ADGRF1: variants seen among roughly 807,000 people sequenced by gnomAD.
ADGRF1 encodes G protein-coupled receptor 110.
In ADGRF1, 85 loss-of-function variants were observed where a neutral mutation model predicts 87.2. That is an observed-to-expected ratio of 0.97 (90% confidence interval 0.82 to 1.17). The LOEUF is 1.17. Among genes scored for constraint, ADGRF1 ranks in the 50% most tolerant of loss-of-function variants. The probability of loss-of-function intolerance (pLI) is 0.00; values close to 1 mark genes in which losing one functional copy is unlikely to be tolerated. For missense variants in ADGRF1, 1,169 were observed against 1,077.2 expected, an observed-to-expected ratio of 1.09 and a Z score of -1.19; for synonymous variants, 430 against 408.8, an observed-to-expected ratio of 1.05 and a Z score of -0.63.
At chr6:47,004,880 G>C (rs1779473421) in intron 13 of ADGRF1, among the ~76,000 whole-genome samples, 3 of 152,142 alleles carry the variant, frequency 2.0e-5, no homozygotes, top group Admixed American at 6.5e-5. Context: ...GAAATACAAG[G>C]GCAGGACTGG....
intron 7 of ADGRF1, chr6:47,018,338 G>A: frequency 8.3e-7 from 1 of 1,203,500 alleles, no homozygotes; most frequent in Non-Finnish European, 1.1e-6. Flanking sequence ...GAGAACTGAG[G>A]CCCAATGAGA....
At chr6:47,016,579 T>C (rs113522598) in intron 8 of ADGRF1, 38 bp downstream of exon 8, 10 of 1,481,178 alleles carry the variant, frequency 6.8e-6, no homozygotes, top group Admixed American at 6.4e-5. Flanking sequence ...ATTAAAGGAC[T>C]CTCTTAACCT....
At chr6:47,026,311 C>A (rs1390774368) in intron 3 of ADGRF1, among the ~76,000 whole-genome samples, 1 of 152,106 alleles carries the variant, frequency 6.6e-6, no homozygotes, top group Non-Finnish European at 1.5e-5. Flanking sequence ...CACCCAGAGT[C>A]AAGCTTCAGG....
intron 11 of ADGRF1, among the ~76,000 whole-genome samples, 176 bp from the exon 12 acceptor site, chr6:47,007,470 G>A (rs1053127557): frequency 1.3e-5 from 2 of 152,114 alleles, no homozygotes; most frequent in Admixed American, 1.3e-4. Flanking sequence ...CAAGTGCATG[G>A]CACTATGCAA....
intron 4 of ADGRF1, 188 bp from the exon 5 acceptor site, chr6:47,024,405 C>T (rs1408881812): frequency 8.0e-6 from 4 of 500,184 alleles, no homozygotes; most frequent in Non-Finnish European, 1.4e-5. Context: ...ACCTCTGCCT[C>T]CTGGGTTCAG....
chr6:47,014,875 T>C, intron 8 of ADGRF1, 31 bp from the exon 9 acceptor site: 1 of 1,571,708 alleles, frequency 6.4e-7, no homozygotes, highest in Non-Finnish European at 8.6e-7. Flanking sequence ...CAAAGAAAAA[T>C]GATCCTAGAA....
intron 2 of ADGRF1, 70 bp downstream of exon 2, chr6:47,028,923 G>T: frequency 1.7e-6 from 2 of 1,165,256 alleles, no homozygotes; most frequent in Non-Finnish European, 2.6e-6. Context: ...GAGAGTGAGG[G>T]GTTCTAAAAG....
At chr6:47,007,382 C>A in intron 11 of ADGRF1, 88 bp from the exon 12 acceptor site, 1 of 739,822 alleles carries the variant, frequency 1.4e-6, no homozygotes, top group Non-Finnish European at 2.3e-6. Context: ...TCAATCACCC[C>A]ACATTGAAAC....
At position 47,005,935 on chromosome 6, in the gene ADGRF1, C is replaced by G. The variant is rs75955151; in HGVS notation, c.2533-59G>C. On this transcript the variant is annotated intron_variant, in intron 12 of 14. Coordinates refer to ENST00000371253, the MANE Select transcript of ADGRF1 (RefSeq NM_153840.4). ...CACATACAATCATACACAGACAAAT[C>G]AAGAACAACTGCAGGTTGAAATGGT... 4.9e-4 allele frequency: 539 copies of G among 1,095,652 alleles called. 1 individual carries two copies. The African/African-American group carries it at 7.4e-3, about 15-fold the overall frequency. 67.9% of individuals were successfully genotyped at this position (1,095,652 alleles called of 1,614,324 possible).
At chr6:47,036,463 G>C (rs1780592603) in intron 1 of ADGRF1, among the ~76,000 whole-genome samples, 1 of 152,132 alleles carries the variant, frequency 6.6e-6, no homozygotes, top group Admixed American at 6.5e-5. Context: ...AGTGTCGAAG[G>C]AGAGTCAGGA....
intron 3 of ADGRF1, among the ~76,000 whole-genome samples, chr6:47,027,098 C>T (rs1385967380): frequency 6.6e-6 from 1 of 152,180 alleles, no homozygotes; most frequent in Non-Finnish European, 1.5e-5. Flanking sequence ...TCAAATAGTC[C>T]TGCCACATAG....
chr6:47,000,322 T>G, intron 14 of ADGRF1, 27 bp from the exon 15 acceptor site: 1 of 1,519,436 alleles, frequency 6.6e-7, no homozygotes, highest in Middle Eastern at 1.7e-4. Context: ...AAGGAAATAA[T>G]TATTGTTACT....
At chr6:47,017,580 T>C (rs940332315) in intron 7 of ADGRF1, 2 of 152,162 alleles carry the variant, frequency 1.3e-5, no homozygotes, top group African/African-American at 4.8e-5. Context: ...AAGCAAGTTT[T>C]TGTATATTCT....
At chr6:47,006,259 G>A (rs1358855877) in intron 12 of ADGRF1, among the ~76,000 whole-genome samples, 2 of 152,084 alleles carry the variant, frequency 1.3e-5, no homozygotes, top group Non-Finnish European at 2.9e-5. Context: ...TTGTTCATGT[G>A]CAAAATTGTT....
intron 6 of ADGRF1, among the ~76,000 whole-genome samples, chr6:47,021,421 C>T (rs1390361892): frequency 6.6e-6 from 1 of 152,058 alleles, no homozygotes; most frequent in African/African-American, 2.4e-5. Flanking sequence ...AGTGCAGTGG[C>T]ACAATCTCAG....
intron 11 of ADGRF1, 64 bp downstream of exon 11, chr6:47,008,881 T>C: frequency 6.9e-7 from 1 of 1,457,348 alleles, no homozygotes; most frequent in Non-Finnish European, 9.2e-7. Flanking sequence ...TGGTTTTACC[T>C]GCCTGAGTTC....
intron 1 of ADGRF1, among the ~76,000 whole-genome samples, chr6:47,030,574 A>ACATGTG (rs1561880605): frequency 1.0e-5 from 1 of 99,220 alleles, no homozygotes. Flanking sequence ...GATAACATGA[A>ACATGTG]TATGTGTGTG....
At chr6:47,004,395 A>G (rs1438883445) in intron 13 of ADGRF1, among the ~76,000 whole-genome samples, 1 of 152,186 alleles carries the variant, frequency 6.6e-6, no homozygotes, top group African/African-American at 2.4e-5. Context: ...TTGTCACCTA[A>G]TTTGGAAATG....
chr6:47,013,840 T>C (rs1213410002), intron 9 of ADGRF1: 2 of 166,860 alleles, frequency 1.2e-5, no homozygotes, highest in East Asian at 3.8e-4. Context: ...TGTTTAAAAG[T>C]GTGTAGCATC....
Sources: gnomAD v4.1 joint callset for allele counts (sites outside exome capture counted in the v4.1 genomes callset) on GRCh38, gnomAD v4.1.1 for gene constraint, MANE v1.5 for transcripts, NCBI Gene and HGNC (gene_info 2026-07-23, HGNC 2026-07-21) for gene names.